The following FRMD6 variants were observed in gnomAD, a reference collection of about 807,000 sequenced individuals.
FRMD6 encodes the protein FERM domain-containing protein 6.
Under a neutral mutation model 73.2 loss-of-function variants are expected in FRMD6, and 37 were observed. The ratio of observed to expected loss-of-function variants is 0.51; its 90% CI spans 0.39 to 0.66. The LOEUF is 0.66. FRMD6 is among the 30% of genes least tolerant of loss of function. The pLI, the probability that FRMD6 is intolerant of heterozygous loss-of-function variation, is 0.00. For missense variants in FRMD6, 714 were observed against 780.5 expected (o/e 0.91, Z 1.02); for synonymous variants, 273 against 282.2 (o/e 0.97, Z 0.33).
the FRMD6 span, among the ~76,000 whole-genome samples, chr14:51,478,311 T>C: frequency 6.6e-6 from 1 of 152,210 alleles, no homozygotes; most frequent in African/African-American, 2.4e-5. Flanking sequence ...GCATTTTTTT[T>C]CCTTCTCATT....
chr14:51,700,431 T>G (rs541111910), intron 3 of FRMD6, among the ~76,000 whole-genome samples: 1 of 152,160 alleles, frequency 6.6e-6, no homozygotes, highest in Non-Finnish European at 1.5e-5. Context: ...CCATACTTGT[T>G]TTTCATAAAA....
intron 2 of FRMD6, among the ~76,000 whole-genome samples, chr14:51,573,243 C>T (rs553456453): frequency 6.6e-6 from 1 of 152,274 alleles, no homozygotes; most frequent in East Asian, 1.9e-4. Flanking sequence ...TTCAAATGCC[C>T]TTGCTGGGTC....
chr14:51,600,410 A>G (rs1174355001), intron 2 of FRMD6, among the ~76,000 whole-genome samples: 1 of 152,198 alleles, frequency 6.6e-6, no homozygotes. Flanking sequence ...TGCTATAACC[A>G]AGGTGAGAAA....
rs796732938 is a variant in FRMD6 at position 51,555,802 on chromosome 14, CAA to C, written c.-209-14529_-209-14528del. Among the ~76,000 whole-genome samples the C allele has an allele frequency of 2.8e-3, 244 of 88,482 alleles. 1 individual carries two copies. The highest frequency in any genetic ancestry group is 0.019 in the East Asian group (48 of 2,470). The allele number at this position is 88,482 out of a possible 152,430, so 58.0% of individuals were successfully genotyped here. A position where few individuals can be genotyped will look rare whatever the true frequency, so the allele number is the denominator to read the frequency against. Reference sequence around the variant, plus strand: ...GGGCAACAAGAGCAAAATTCTGACTCAAAAAAAAAAAAAAAAAAGTTATCTGA... The same window carrying C: ...GGGCAACAAGAGCAAAATTCTGACTCAAAAAAAAAAAAAAAAGTTATCTGA... On this transcript the variant is annotated intron_variant, in intron 1 of 14. Coordinates refer to the FRMD6 transcript ENST00000356218.
chr14:51,606,797 A>G (rs1890276617), intron 2 of FRMD6, among the ~76,000 whole-genome samples: 3 of 152,150 alleles, frequency 2.0e-5, no homozygotes, highest in Admixed American at 6.5e-5. Flanking sequence ...ATGCTGACCT[A>G]GCATGGCTCA....
rs140387767 is a variant in FRMD6, at chr14:51,519,187, C to A, written c.-210+29767C>A. ...CACCCCCCGCCCCCTGCCACCCCAA[C>A]GGAGTCTCACTCTGTCGCCCAGGCT... On this transcript the variant is annotated intron_variant, in intron 1 of 14. Coordinates refer to the FRMD6 transcript ENST00000356218. 3.5e-5 allele frequency among the ~76,000 whole-genome samples: 4 copies of A among 115,080 alleles called. No homozygotes were observed. The Admixed American group carries it at 3.8e-4, about 11-fold the overall frequency. 75.5% of individuals were successfully genotyped at this position (115,080 alleles called of 152,430 possible).
chr14:51,686,354 A>G (rs1011733273), intron 1 of FRMD6, among the ~76,000 whole-genome samples: 2 of 152,082 alleles, frequency 1.3e-5, no homozygotes, highest in African/African-American at 2.4e-5. Context: ...GGGGTAGTGG[A>G]CCCAGTTTTA....
intron 1 of FRMD6, among the ~76,000 whole-genome samples, chr14:51,553,178 C>T (rs190051825): frequency 2.6e-4 from 39 of 152,344 alleles, no homozygotes; most frequent in Admixed American, 8.5e-4. Context: ...AAAGTCTCTA[C>T]TGAATCTTAA....
intron 2 of FRMD6, among the ~76,000 whole-genome samples, chr14:51,573,972 A>G (rs943707845): frequency 6.6e-5 from 10 of 152,206 alleles, no homozygotes. Context: ...ATAATTAGTT[A>G]TTACTAAATT....
At chr14:51,706,648 A>G (rs1214055419) in intron 6 of FRMD6, among the ~76,000 whole-genome samples, 1 of 151,168 alleles carries the variant, frequency 6.6e-6, no homozygotes, top group African/African-American at 2.4e-5. Flanking sequence ...GCTAACTCCT[A>G]CTCATCCTCC....
intron 1 of FRMD6, among the ~76,000 whole-genome samples, chr14:51,499,533 A>C (rs1883483563): frequency 6.6e-6 from 1 of 152,224 alleles, no homozygotes; most frequent in Non-Finnish European, 1.5e-5. Flanking sequence ...GCACAGAGAA[A>C]CTAGGTAACA....
At chr14:51,493,900 T>C (rs1448438723) in intron 1 of FRMD6, among the ~76,000 whole-genome samples, 1 of 152,180 alleles carries the variant, frequency 6.6e-6, no homozygotes, top group Non-Finnish European at 1.5e-5. Flanking sequence ...CTCACAGTTC[T>C]AAAGGCTGGA....
At chr14:51,509,933 A>G (rs1884201385) in intron 1 of FRMD6, among the ~76,000 whole-genome samples, 1 of 152,190 alleles carries the variant, frequency 6.6e-6, no homozygotes, top group Admixed American at 6.5e-5. Flanking sequence ...GCGTACGTGT[A>G]TATACTTTAA....
chr14:51,555,364 C>G (rs1431953840), intron 1 of FRMD6, among the ~76,000 whole-genome samples: 1 of 152,190 alleles, frequency 6.6e-6, no homozygotes, highest in Admixed American at 6.5e-5. Flanking sequence ...AATTTGCCTA[C>G]TGTGTCCCAG....
the FRMD6 span, among the ~76,000 whole-genome samples, chr14:51,414,368 A>G: frequency 5.9e-5 from 9 of 152,358 alleles, no homozygotes; most frequent in Non-Finnish European, 1.3e-4. Context: ...AGCTTTCCAC[A>G]TATGGCTAGC....
intron 2 of FRMD6, chr14:51,637,573 G>C (rs1467524): frequency 0.74 from 111,771 of 151,626 alleles, 41,794 homozygotes; most frequent in Non-Finnish European, 0.81. Flanking sequence ...AACTGACCTA[G>C]AGCAAATGGC....
the FRMD6 span, among the ~76,000 whole-genome samples, chr14:51,427,948 A>C: frequency 1.3e-5 from 2 of 152,254 alleles, no homozygotes; most frequent in Non-Finnish European, 2.9e-5. Context: ...AAAAATTCAC[A>C]AAATATAACT....
intron 2 of FRMD6, among the ~76,000 whole-genome samples, chr14:51,609,452 G>A (rs895811444): frequency 6.6e-6 from 1 of 152,176 alleles, no homozygotes; most frequent in African/African-American, 2.4e-5. Context: ...CTCAGGAAAC[G>A]GTTGGGGAGA....
chr14:51,557,382 T>A (rs1162864057), intron 1 of FRMD6, among the ~76,000 whole-genome samples: 2 of 152,126 alleles, frequency 1.3e-5, no homozygotes, highest in African/African-American at 2.4e-5. Context: ...CTAAGTGGTA[T>A]AAGCCAGGCA....
Sources: gnomAD v4.1 joint callset for allele counts (sites outside exome capture counted in the v4.1 genomes callset) on GRCh38, gnomAD v4.1.1 for gene constraint, MANE v1.5 for transcripts, NCBI Gene and HGNC (gene_info 2026-07-23, HGNC 2026-07-21) for gene names.